LYZL2: variants seen among roughly 807,000 people sequenced by gnomAD.
LYZL2 encodes the protein lysozyme-like protein 2.
A neutral mutation model predicts 17.1 loss-of-function variants in LYZL2; 13 were observed. That is an observed-to-expected ratio of 0.76 (90% CI 0.49 to 1.21). The LOEUF is 1.21. Among genes scored for constraint, LYZL2 ranks in the 50% most tolerant of loss-of-function variants. The pLI, the probability that LYZL2 is intolerant of heterozygous loss-of-function variation, is 0.00. For synonymous variants in LYZL2, 63 were observed against 74.4 expected, an observed-to-expected ratio of 0.85 and a Z score of 0.79; for missense variants, 166 against 189.2, an observed-to-expected ratio of 0.88 and a Z score of 0.72.
intron 3 of LYZL2, among the ~76,000 whole-genome samples, chr10:30,619,488 T>G (rs1838585790): frequency 6.6e-6 from 1 of 152,112 alleles, no homozygotes; most frequent in African/African-American, 2.4e-5. Flanking sequence ...CATGGAATAC[T>G]ATGCAGCCAT....
chr10:30,628,278 G>T (rs1317433326), intron 1 of LYZL2, among the ~76,000 whole-genome samples: 1 of 152,146 alleles, frequency 6.6e-6, no homozygotes, highest in Non-Finnish European at 1.5e-5. Context: ...CAAAGTACTA[G>T]TGTTTTATCT....
At chr10:30,611,460 C>T (rs193160649), downstream of LYZL2, among the ~76,000 whole-genome samples, 275 of 137,514 alleles carry the variant, frequency 2.0e-3, no homozygotes, top group African/African-American at 7.5e-3. Context: ...AATCGTACGA[C>T]TGCACTCCAG....
chr10:30,620,285 G>T (rs1032678124), intron 3 of LYZL2, among the ~76,000 whole-genome samples: 1 of 152,128 alleles, frequency 6.6e-6, no homozygotes, highest in African/African-American at 2.4e-5. Context: ...CAAGAGGATC[G>T]CCCAGAACAT....
downstream of LYZL2, among the ~76,000 whole-genome samples, chr10:30,611,289 A>C (rs1307092548): frequency 6.6e-6 from 1 of 151,962 alleles, no homozygotes; most frequent in African/African-American, 2.4e-5. Context: ...TGGGATGCCA[A>C]GGTGGGCAGA....
downstream of LYZL2, among the ~76,000 whole-genome samples, chr10:30,610,270 G>C (rs759638652): frequency 6.6e-6 from 1 of 152,146 alleles, no homozygotes; most frequent in Non-Finnish European, 1.5e-5. Flanking sequence ...CTGGATGTTG[G>C]GGGTAAGAGC....
chr10:30,623,101 G>T (rs399593), intron 3 of LYZL2, among the ~76,000 whole-genome samples: 130,267 of 152,210 alleles, frequency 0.86, 56,287 homozygotes, highest in Middle Eastern at 0.92. Flanking sequence ...TCACCACAAG[G>T]ACATAACAAC....
chr10:30,613,341 A>G (rs1053747715), intron 3 of LYZL2, among the ~76,000 whole-genome samples: 2 of 151,830 alleles, frequency 1.3e-5, no homozygotes, highest in African/African-American at 4.8e-5. Flanking sequence ...TACAAAATGT[A>G]AAAAAAATAG....
In LYZL2 at chr10:30,615,521, TTCTC is replaced by T. The variant is rs146438047; in HGVS notation, c.299-2625_299-2622del. On this transcript the variant is annotated intron_variant, in intron 3 of 4. Transcript: ENST00000647634. ...TGCTGATAGTGGATCTTAAGTGTTCTTCTCTCTCTCTCTCTCTCTCTGTCTCTCA... is the reference window on the plus strand; with the variant it reads ...TGCTGATAGTGGATCTTAAGTGTTCTTCTCTCTCTCTCTCTCTGTCTCTCA... 4.1e-3 allele frequency among the ~76,000 whole-genome samples: 614 copies of T among 149,176 alleles called. 6 individuals carry two copies. The highest frequency in any genetic ancestry group is 0.015 in the East Asian group (79 of 5,124).
chr10:30,620,309 A>T (rs1196429566), intron 3 of LYZL2, among the ~76,000 whole-genome samples: 1 of 152,172 alleles, frequency 6.6e-6, no homozygotes, highest in Non-Finnish European at 1.5e-5. Flanking sequence ...TACTAGCAAC[A>T]CCTCTTCCCA....
At chr10:30,613,003 G>T in intron 3 of LYZL2, 103 bp from the exon 4 acceptor site, 1 of 828,754 alleles carries the variant, frequency 1.2e-6, no homozygotes, top group Non-Finnish European at 2.0e-6. Context: ...GGATGGGAAG[G>T]TTGGAAGAAC....
intron 3 of LYZL2, among the ~76,000 whole-genome samples, chr10:30,619,548 A>G (rs1588675775): frequency 1.3e-5 from 2 of 152,140 alleles, no homozygotes; most frequent in Non-Finnish European, 2.9e-5. Context: ...GAAGCTGGAA[A>G]CCATCATTCT....
chr10:30,617,695 A>AAAG (rs1838556046), intron 3 of LYZL2, among the ~76,000 whole-genome samples: 1 of 144,244 alleles, frequency 6.9e-6, no homozygotes, highest in Non-Finnish European at 1.5e-5. Flanking sequence ...AAAAAAAAAA[A>AAAG]AAAGAAAAGA....
intron 3 of LYZL2, among the ~76,000 whole-genome samples, chr10:30,622,092 C>T (rs924754537): frequency 2.0e-5 from 3 of 151,980 alleles, no homozygotes; most frequent in Non-Finnish European, 4.4e-5. Context: ...GGAAACCCTA[C>T]AGTAACAACT....
chr10:30,627,959 A>G (rs1412241227), intron 1 of LYZL2, among the ~76,000 whole-genome samples: 2 of 152,214 alleles, frequency 1.3e-5, no homozygotes, highest in East Asian at 3.8e-4. Flanking sequence ...GGAGATCAAG[A>G]CCATCCTGGC....
intron 3 of LYZL2, among the ~76,000 whole-genome samples, chr10:30,617,870 A>T (rs1173956228): frequency 2.6e-5 from 4 of 152,014 alleles, no homozygotes; most frequent in African/African-American, 9.7e-5. Context: ...AATTAGGAAA[A>T]GAGGAAGTCA....
chr10:30,617,394 G>C (rs1838545270), intron 3 of LYZL2, among the ~76,000 whole-genome samples: 1 of 152,038 alleles, frequency 6.6e-6, no homozygotes, highest in African/African-American at 2.4e-5. Context: ...AAAGTATGTC[G>C]ACCGGGCGCG....
chr10:30,625,434 A>G (rs1480602177), intron 3 of LYZL2, among the ~76,000 whole-genome samples: 1 of 152,128 alleles, frequency 6.6e-6, no homozygotes, highest in Non-Finnish European at 1.5e-5. Flanking sequence ...CATGTAAGGT[A>G]CAAGAGTGAA....
At chr10:30,608,428 C>T (rs117473562), downstream of LYZL2, among the ~76,000 whole-genome samples, 1,253 of 152,304 alleles carry the variant, frequency 8.2e-3, 10 homozygotes, top group Non-Finnish European at 0.014. Flanking sequence ...GATTAAATTG[C>T]TCCTGCAGAT....
intron 3 of LYZL2, among the ~76,000 whole-genome samples, chr10:30,621,746 G>C (rs1486055056): frequency 6.6e-6 from 1 of 152,072 alleles, no homozygotes; most frequent in Admixed American, 6.6e-5. Flanking sequence ...ACAAAACAAA[G>C]TTAAAGAAAG....
Sources: allele counts gnomAD v4.1 joint callset (sites outside exome capture counted in the v4.1 genomes callset), GRCh38; gene constraint gnomAD v4.1.1; transcripts MANE v1.5; gene names NCBI Gene and HGNC (gene_info 2026-07-23, HGNC 2026-07-21).